ENAH: variants seen among roughly 807,000 people sequenced by gnomAD.
ENAH encodes protein enabled homolog.
ENAH carries 23 observed loss-of-function variants against 78.7 expected under a neutral mutation model. The ratio of observed to expected loss-of-function variants is 0.29; its 90% CI spans 0.21 to 0.41. ENAH has a LOEUF of 0.41. ENAH is among the 10% of genes least tolerant of loss of function. The pLI is 1.00. For missense variants in ENAH, 544 were observed against 691.0 expected (o/e 0.79, Z 2.39); for synonymous variants, 226 against 241.0 (o/e 0.94, Z 0.58).
intron 12 of ENAH, among the ~76,000 whole-genome samples, chr1:225,499,969 C>T (rs1264920232): frequency 1.3e-5 from 2 of 152,186 alleles, no homozygotes; most frequent in African/African-American, 4.8e-5. Context: ...ATGCCCTGAT[C>T]CAAATTACTC....
chr1:225,516,911 G>A (rs1224452487), intron 6 of ENAH, among the ~76,000 whole-genome samples: 1 of 151,210 alleles, frequency 6.6e-6, no homozygotes, highest in African/African-American at 2.4e-5. Flanking sequence ...ATAAAGAAAT[G>A]TATTATGAGG....
chr1:225,589,981 G>C (rs1369289933), intron 1 of ENAH, among the ~76,000 whole-genome samples: 1 of 151,860 alleles, frequency 6.6e-6, no homozygotes, highest in Non-Finnish European at 1.5e-5. Context: ...ATTCAAGTAA[G>C]TATTCTAAGA....
At chr1:225,562,541 C>T (rs2096711854) in intron 2 of ENAH, among the ~76,000 whole-genome samples, 2 of 130,786 alleles carry the variant, frequency 1.5e-5, no homozygotes, top group African/African-American at 2.8e-5. Flanking sequence ...CACTGCACTC[C>T]AGCCTGGGCG....
intron 4 of ENAH, among the ~76,000 whole-genome samples, chr1:225,520,250 G>A (rs898269770): frequency 1.3e-5 from 2 of 151,322 alleles, no homozygotes; most frequent in Non-Finnish European, 2.9e-5. Context: ...AGCCGAGATC[G>A]TGCCACTGCA....
At chr1:225,641,591 T>A (rs1661073464) in intron 1 of ENAH, among the ~76,000 whole-genome samples, 1 of 151,948 alleles carries the variant, frequency 6.6e-6, no homozygotes, top group Non-Finnish European at 1.5e-5. Context: ...AACTCAGTAT[T>A]ACCGAAGATA....
chr1:225,583,721 T>A (rs556537540), intron 1 of ENAH, among the ~76,000 whole-genome samples: 56 of 149,070 alleles, frequency 3.8e-4, no homozygotes, highest in African/African-American at 1.4e-3. Flanking sequence ...GTCAGGAGAA[T>A]CACTTGTACC....
intron 4 of ENAH, among the ~76,000 whole-genome samples, chr1:225,521,352 C>A (rs1012170527): frequency 2.0e-5 from 3 of 151,974 alleles, no homozygotes; most frequent in African/African-American, 7.3e-5. Flanking sequence ...TGTCAATTAA[C>A]CTTCCCTAAA....
rs1386262906 is a variant in ENAH, at chr1:225,567,358, T to C, written c.62A>G (p.Lys21Arg). The change falls in exon 2 of 14, where the codon AAG becomes AGG. Residue 21 changes from lysine to arginine, a missense_variant. Lys to Arg is a conservative substitution (Grantham distance 26). Transcript: ENST00000366843. ...TGAGCCACCAGCTGGCACCCACTTC[T>C]TATTGGCATCATCATAAACCATCAC... ...AAVMVYDDAN[K>R]KWVPAGGSTG... is the part of the protein sequence containing the mutation. 6.2e-7 allele frequency: 1 copy of C among 1,614,162 alleles called. No homozygotes were observed.
At chr1:225,499,777 T>C (rs1174248422) in intron 12 of ENAH, among the ~76,000 whole-genome samples, 1 of 152,218 alleles carries the variant, frequency 6.6e-6, no homozygotes, top group East Asian at 1.9e-4. Flanking sequence ...AGCTGTCCTT[T>C]GGAAGAATTA....
At chr1:225,652,610 G>T in intron 1 of ENAH, 76 bp downstream of exon 1, 1 of 1,230,590 alleles carries the variant, frequency 8.1e-7, no homozygotes, top group South Asian at 3.0e-5. Flanking sequence ...GAGGGAAGGC[G>T]GGGTCCGAGG....
chr1:225,581,016 C>T (rs934767570), intron 1 of ENAH, among the ~76,000 whole-genome samples: 9 of 133,512 alleles, frequency 6.7e-5, no homozygotes, highest in African/African-American at 2.5e-4. Context: ...GTCTGGCCAC[C>T]CATCTTTTTT....
chr1:225,643,352 T>C (rs1024355726), intron 1 of ENAH, among the ~76,000 whole-genome samples: 5 of 151,236 alleles, frequency 3.3e-5, no homozygotes, highest in African/African-American at 1.2e-4. Context: ...GGTGACCTGG[T>C]AGGACAATGA....
intron 1 of ENAH, among the ~76,000 whole-genome samples, chr1:225,599,731 G>C (rs2096920573): frequency 6.6e-6 from 1 of 151,108 alleles, no homozygotes; most frequent in African/African-American, 2.4e-5. Context: ...CGGAGGCAGA[G>C]GTTGCCGTGA....
At chr1:225,574,929 TATA>T (rs1404200860) in intron 1 of ENAH, among the ~76,000 whole-genome samples, 2 of 54,616 alleles carry the variant, frequency 3.7e-5, no homozygotes. Context: ...AATATATATA[TATA>T]AAAAAAAAAA....
chr1:225,523,277 T>C (rs868550233), intron 4 of ENAH, among the ~76,000 whole-genome samples: 16 of 151,634 alleles, frequency 1.1e-4, no homozygotes, highest in Non-Finnish European at 1.5e-4. Context: ...AGCAATACAA[T>C]GCTTTTAACA....
At chr1:225,572,433 A>G (rs187798022) in intron 1 of ENAH, among the ~76,000 whole-genome samples, 2 of 152,198 alleles carry the variant, frequency 1.3e-5, no homozygotes, top group African/African-American at 2.4e-5. Flanking sequence ...TGGAATCTAA[A>G]AATAGGAATA....
intron 1 of ENAH, among the ~76,000 whole-genome samples, chr1:225,580,489 C>T (rs1456432721): frequency 1.3e-5 from 2 of 152,116 alleles, no homozygotes; most frequent in Non-Finnish European, 2.9e-5. Flanking sequence ...CTAAGCCAAA[C>T]CCAGAATCCT....
At chr1:225,540,184 G>A (rs906450524) in intron 3 of ENAH, among the ~76,000 whole-genome samples, 3 of 152,080 alleles carry the variant, frequency 2.0e-5, no homozygotes, top group African/African-American at 2.4e-5. Flanking sequence ...CTCTGGATGC[G>A]AGTGGGCAAC....
Position 225,496,971 on chromosome 1 carries a change from T to C in ENAH, c.*804A>G, listed in dbSNP as rs543522927. 3 of 152,770 alleles carry C rather than the reference T, an allele frequency of 2.0e-5. No individual in the cohort carries two copies. The South Asian group carries it at 6.2e-4, about 32-fold the overall frequency. 9.5% of individuals were successfully genotyped at this position (152,770 alleles called of 1,614,324 possible). A position where few individuals can be genotyped will look rare whatever the true frequency, so the allele number is the denominator to read the frequency against. On this transcript the variant is annotated 3_prime_UTR_variant, in exon 14 of 14. Coordinates refer to ENST00000366843, the MANE Select transcript of ENAH (RefSeq NM_018212.6). The stretch of plus-strand genomic sequence containing the variant: ...CCACATGCATAAATCTAAAAAAGGT[T>C]GAAAACCTACAGTAAATCTACAATA...
Sources: allele counts gnomAD v4.1 joint callset (sites outside exome capture counted in the v4.1 genomes callset), GRCh38; gene constraint gnomAD v4.1.1; transcripts MANE v1.5; gene names NCBI Gene and HGNC (gene_info 2026-07-23, HGNC 2026-07-21).